The following NKAIN3 variants were observed in gnomAD, a reference collection of about 807,000 sequenced individuals.
The protein encoded by NKAIN3 is sodium/potassium transporting ATPase interacting 3.
NKAIN3 carries 25 observed loss-of-function variants against 30.2 expected under a neutral mutation model. The observed-to-expected ratio is 0.83, with a 90% CI of 0.60 to 1.16. The LOEUF (loss-of-function observed/expected upper bound fraction) is 1.16, where lower values mean the gene tolerates loss of function less well. Ranked by LOEUF, NKAIN3 falls within the 50% of genes most tolerant of loss-of-function variation. The probability of loss-of-function intolerance (pLI) is 0.00; values close to 1 mark genes in which losing one functional copy is unlikely to be tolerated. For synonymous variants in NKAIN3, 91 were observed against 89.6 expected, an observed-to-expected ratio of 1.02 and a Z score of -0.09; for missense variants, 225 against 254.1, an observed-to-expected ratio of 0.89 and a Z score of 0.78.
At chr8:62,746,678 G>A (rs1006228432) in intron 3 of NKAIN3, among the ~76,000 whole-genome samples, 5 of 152,092 alleles carry the variant, frequency 3.3e-5, no homozygotes, top group Non-Finnish European at 7.4e-5. Flanking sequence ...CTCATGTCTG[G>A]ATTTTTTAAA....
At chr8:62,849,961 T>G (rs915931284) in intron 4 of NKAIN3, among the ~76,000 whole-genome samples, 1 of 152,098 alleles carries the variant, frequency 6.6e-6, no homozygotes, top group Non-Finnish European at 1.5e-5. Flanking sequence ...ATCCTTTGGG[T>G]ATATACCCAG....
In NKAIN3 at chr8:62,974,431, T is replaced by C. The variant is rs915505289; in HGVS notation, c.*9024T>C. On this transcript the variant is annotated 3_prime_UTR_variant, in exon 7 of 7. Transcript: ENST00000623646. Reference sequence around the variant, plus strand: ...TTATTCTCTTTGTAGCAATTGTGAATGGGAGTTTGTTCATGATTTGGCTCT... The same window carrying C: ...TTATTCTCTTTGTAGCAATTGTGAACGGGAGTTTGTTCATGATTTGGCTCT... 6.6e-6 allele frequency among the ~76,000 whole-genome samples: 1 copy of C among 152,216 alleles called. No homozygotes were observed. The highest frequency in any genetic ancestry group is 2.4e-5 in the African/African-American group (1 of 41,452).
intron 1 of NKAIN3, among the ~76,000 whole-genome samples, chr8:62,417,010 A>T (rs1421570785): frequency 6.6e-6 from 1 of 150,924 alleles, no homozygotes; most frequent in Non-Finnish European, 1.5e-5. Context: ...ATATATTTAT[A>T]TATATATATA....
intron 3 of NKAIN3, among the ~76,000 whole-genome samples, chr8:62,664,146 A>G (rs942493708): frequency 8.1e-4 from 123 of 152,020 alleles, no homozygotes; most frequent in Non-Finnish European, 1.8e-4. Context: ...TTTACCTGTA[A>G]GAATTTCACC....
intron 4 of NKAIN3, among the ~76,000 whole-genome samples, chr8:62,829,534 A>C (rs551240692): frequency 1.7e-4 from 26 of 152,300 alleles, no homozygotes; most frequent in Middle Eastern, 3.4e-3. Flanking sequence ...CCAGCAAAGG[A>C]TAAATTCTAA....
chr8:62,606,573 T>C (rs183665129), intron 3 of NKAIN3, among the ~76,000 whole-genome samples: 13 of 152,240 alleles, frequency 8.5e-5, no homozygotes, highest in Admixed American at 7.9e-4. Context: ...CCCACACTTA[T>C]TTTAGCCACA....
At chr8:62,376,822 AC>A (rs1817098481) in intron 1 of NKAIN3, among the ~76,000 whole-genome samples, 1 of 152,284 alleles carries the variant, frequency 6.6e-6, no homozygotes, top group East Asian at 1.9e-4. Context: ...TATAAAAAAA[AC>A]TTTTCTCTAG....
intron 1 of NKAIN3, among the ~76,000 whole-genome samples, chr8:62,462,317 A>G (rs1344062146): frequency 2.0e-5 from 3 of 152,084 alleles, no homozygotes; most frequent in African/African-American, 7.2e-5. Flanking sequence ...ATCACTAGCA[A>G]TTTTTTTGCA....
chr8:62,870,656 TAGATATATATAG>T (rs1336813845), intron 4 of NKAIN3, among the ~76,000 whole-genome samples: 744 of 138,016 alleles, frequency 5.4e-3, no homozygotes, highest in African/African-American at 0.02. Context: ...TATCTATATC[TAGATATATATAG>T]ATATCTATAT....
At position 62,253,235 on chromosome 8, in the gene NKAIN3, T is replaced by C. The variant is rs374765920; in HGVS notation, c.54+4108T>C. Among the ~76,000 whole-genome samples the C allele has an allele frequency of 5.3e-4, 80 of 152,314 alleles. No homozygotes were observed. In the South Asian group the frequency reaches 0.015, roughly 29 times the overall value. ...GTGGTACCAGAAACCCTACAAGATT[T>C]AGAGAAAATAGGCAGCTTCTAACTC... On this transcript the variant is annotated intron_variant, in intron 1 of 6. Transcript: ENST00000623646.
At position 62,741,903 on chromosome 8, in the gene NKAIN3, C is replaced by T. The variant is rs550037899; in HGVS notation, c.274-5029C>T. 4.2e-3 allele frequency among the ~76,000 whole-genome samples: 635 copies of T among 152,240 alleles called. 5 individuals carry two copies. The highest frequency in any genetic ancestry group is 0.015 in the African/African-American group (611 of 41,544). On this transcript the variant is annotated intron_variant, in intron 3 of 6. Transcript: ENST00000623646. ...CATGCTGTCTTGTCTCTAGGCTGCC[C>T]TCACACCTCCCAAACCCTCCTACTT...
At chr8:62,261,421 A>G (rs1455321756) in intron 1 of NKAIN3, among the ~76,000 whole-genome samples, 1 of 152,180 alleles carries the variant, frequency 6.6e-6, no homozygotes, top group Non-Finnish European at 1.5e-5. Context: ...CTTCTAGGTG[A>G]GTGACTAGAA....
intron 3 of NKAIN3, among the ~76,000 whole-genome samples, chr8:62,656,490 A>G (rs1220708684): frequency 1.3e-5 from 2 of 152,030 alleles, no homozygotes; most frequent in Non-Finnish European, 2.9e-5. Flanking sequence ...AAAGAAAGAA[A>G]GAAAGAAAAA....
intron 1 of NKAIN3, among the ~76,000 whole-genome samples, chr8:62,532,281 A>C (rs1006012286): frequency 2.5e-4 from 38 of 152,170 alleles, no homozygotes; most frequent in African/African-American, 8.9e-4. Flanking sequence ...GGACATCAAA[A>C]CCTGGCAGAG....
At chr8:62,857,689 G>T (rs1469785643) in intron 4 of NKAIN3, among the ~76,000 whole-genome samples, 1 of 152,082 alleles carries the variant, frequency 6.6e-6, no homozygotes, top group African/African-American at 2.4e-5. Context: ...GTGTTTTTCA[G>T]TTCTATCATG....
intron 4 of NKAIN3, among the ~76,000 whole-genome samples, chr8:62,908,335 G>A (rs1205841302): frequency 6.6e-6 from 1 of 151,750 alleles, no homozygotes; most frequent in African/African-American, 2.4e-5. Context: ...TATCTCAGAT[G>A]AGACTTTGGA....
chr8:62,250,689 A>G (rs187405190), intron 1 of NKAIN3, among the ~76,000 whole-genome samples: 1 of 152,326 alleles, frequency 6.6e-6, no homozygotes, highest in East Asian at 1.9e-4. Context: ...TATCAATGCA[A>G]TTATGATTTT....
At chr8:62,826,277 T>C (rs186042247) in intron 4 of NKAIN3, among the ~76,000 whole-genome samples, 1 of 152,016 alleles carries the variant, frequency 6.6e-6, no homozygotes, top group Non-Finnish European at 1.5e-5. Flanking sequence ...GTGGTGTGTG[T>C]GAGTGTTTGT....
At chr8:62,762,674 A>G (rs144657840) in intron 4 of NKAIN3, among the ~76,000 whole-genome samples, 1 of 152,270 alleles carries the variant, frequency 6.6e-6, no homozygotes, top group African/African-American at 2.4e-5. Context: ...TAGCAGCAGA[A>G]ATAGAAATGC....
Sources: allele counts gnomAD v4.1 joint callset (sites outside exome capture counted in the v4.1 genomes callset), GRCh38; gene constraint gnomAD v4.1.1; transcripts MANE v1.5; gene names NCBI Gene and HGNC (gene_info 2026-07-23, HGNC 2026-07-21).